The following SLC24A4 variants were observed in gnomAD, a reference collection of about 807,000 sequenced individuals.
SLC24A4 encodes solute carrier family 24 member 4, also known as sodium/potassium/calcium exchanger 4.
A neutral mutation model predicts 79.0 loss-of-function variants in SLC24A4; 53 were observed. The observed-to-expected ratio is 0.67, with a 90% CI of 0.54 to 0.84. The LOEUF is 0.84. Ranked by LOEUF, SLC24A4 falls within the 40% of genes least tolerant of loss-of-function variation. The pLI, the probability that SLC24A4 is intolerant of heterozygous loss-of-function variation, is 0.00. For missense variants in SLC24A4, 731 were observed against 822.0 expected (o/e 0.89, Z 1.35); for synonymous variants, 323 against 323.8 (o/e 1.00, Z 0.03).
intron 2 of SLC24A4, among the ~76,000 whole-genome samples, chr14:92,363,535 T>A (rs1209646765): frequency 6.6e-6 from 1 of 152,198 alleles, no homozygotes; most frequent in Non-Finnish European, 1.5e-5. Flanking sequence ...TTCTGAAAGG[T>A]CTTGCTTTCC....
chr14:92,480,677 A>G (rs1455735449), intron 12 of SLC24A4, among the ~76,000 whole-genome samples: 2 of 151,948 alleles, frequency 1.3e-5, no homozygotes, highest in Admixed American at 6.6e-5. Flanking sequence ...AGTGTGTTAC[A>G]TTTTTTTGAT....
chr14:92,401,290 TG>T (rs1020808099), intron 2 of SLC24A4, among the ~76,000 whole-genome samples: 1 of 152,216 alleles, frequency 6.6e-6, no homozygotes, highest in Admixed American at 6.5e-5. Flanking sequence ...CCGTGCAGGT[TG>T]TGCACTGCAC....
rs1892516110 is a variant in SLC24A4 at position 92,441,866 on chromosome 14, AGTTGGGGGTGG to A, written c.394-221_394-211del. On this transcript the variant is annotated intron_variant, in intron 4 of 16. Coordinates refer to ENST00000532405, the MANE Select transcript of SLC24A4 (RefSeq NM_153646.4). The surrounding 1 kb of genome is among the most constrained non-coding windows in gnomAD (Gnocchi z 4.6). ...CTTGGAGGACAAACAGAAAGGAGAT[AGTTGGGGGTGG>A]GGAAGGGGCTCTGAGTGGAATGCCT... Among the ~76,000 whole-genome samples, 1 of 152,138 alleles carries A rather than the reference AGTTGGGGGTGG, an allele frequency of 6.6e-6. No homozygotes were observed. Among genetic ancestry groups the A allele is most frequent in the Non-Finnish European group, 1.5e-5 (1 of 68,000 alleles).
chr14:92,327,344 C>G (rs540032413), intron 2 of SLC24A4, among the ~76,000 whole-genome samples: 1 of 152,152 alleles, frequency 6.6e-6, no homozygotes, highest in Non-Finnish European at 1.5e-5. Flanking sequence ...GCCCAGCAGG[C>G]GGGGTGCTCA....
In SLC24A4 at chr14:92,363,792, T is replaced by C. The variant is rs542108374; in HGVS notation, c.241+37814T>C. On this transcript the variant is annotated intron_variant, in intron 2 of 16. Coordinates refer to ENST00000532405, the MANE Select transcript of SLC24A4 (RefSeq NM_153646.4). ...TTGCAGTGAGCTGAGATCGCGCCAC[T>C]GTACTCCAGCCTGGTGACAGAGTGA... 3.3e-5 allele frequency among the ~76,000 whole-genome samples: 5 copies of C among 151,854 alleles called. No individual in the cohort carries two copies. In the East Asian group the frequency reaches 9.7e-4, roughly 29 times the overall value.
intron 2 of SLC24A4, among the ~76,000 whole-genome samples, chr14:92,358,032 A>C (rs1434375212): frequency 6.6e-6 from 1 of 152,222 alleles, no homozygotes; most frequent in Non-Finnish European, 1.5e-5. Flanking sequence ...ACTTCTGAGA[A>C]AGTGCTGCTG....
In SLC24A4 at chr14:92,494,818, G is replaced by A. The variant is rs1895867357; in HGVS notation, c.*1190G>A. The A allele has an allele frequency of 6.6e-6, 1 of 152,592 alleles. No individual in the cohort carries two copies. Among genetic ancestry groups the A allele is most frequent in the African/African-American group, 2.4e-5 (1 of 41,420 alleles). The allele number at this position is 152,592 out of a possible 1,614,324, so 9.5% of individuals were successfully genotyped here. A position where few individuals can be genotyped will look rare whatever the true frequency, so the allele number is the denominator to read the frequency against. On this transcript the variant is annotated 3_prime_UTR_variant, in exon 17 of 17. Transcript: ENST00000532405. This position sits in a 1 kb window ranked among gnomAD's most constrained non-coding sequence, Gnocchi z 4.6. The stretch of plus-strand genomic sequence containing the variant: ...TTCTGGAACCACGTAGTTTCTACAC[G>A]TGGCAGGCCAAGAATGGGAGGCTGA...
At chr14:92,382,627 A>T (rs1888919945) in intron 2 of SLC24A4, among the ~76,000 whole-genome samples, 2 of 152,196 alleles carry the variant, frequency 1.3e-5, no homozygotes, top group African/African-American at 4.8e-5. Flanking sequence ...AAGAAAGGTC[A>T]CTTGCCATTG....
intron 2 of SLC24A4, among the ~76,000 whole-genome samples, chr14:92,402,067 C>A (rs1890144555): frequency 6.6e-6 from 1 of 152,158 alleles, no homozygotes; most frequent in Non-Finnish European, 1.5e-5. Flanking sequence ...CACTTTCGAG[C>A]TTGCTGATTG....
At chr14:92,486,509 G>T (rs532049710) in intron 13 of SLC24A4, among the ~76,000 whole-genome samples, 157 bp from the exon 14 acceptor site, 68 of 151,932 alleles carry the variant, frequency 4.5e-4, no homozygotes, top group Admixed American at 1.1e-3. Context: ...TTCAGTGGGG[G>T]TTTTTTTTGT....
intron 14 of SLC24A4, among the ~76,000 whole-genome samples, chr14:92,487,871 G>T (rs765633921): frequency 1.3e-5 from 2 of 152,080 alleles, no homozygotes; most frequent in South Asian, 2.1e-4. Context: ...CAGTGGTCAC[G>T]CAATCCTTGG....
At chr14:92,403,815 T>C (rs1890235411) in intron 2 of SLC24A4, among the ~76,000 whole-genome samples, 3 of 152,104 alleles carry the variant, frequency 2.0e-5, no homozygotes, top group Admixed American at 6.5e-5. Context: ...TTAAACCCTC[T>C]CCTTGGGCAC....
At chr14:92,371,375 G>A (rs1042337068) in intron 2 of SLC24A4, among the ~76,000 whole-genome samples, 31 of 152,260 alleles carry the variant, frequency 2.0e-4, no homozygotes, top group African/African-American at 7.2e-4. Context: ...GACCAGACAC[G>A]TCCATTGTGG....
intron 12 of SLC24A4, among the ~76,000 whole-genome samples, chr14:92,460,536 G>T (rs531293189): frequency 6.6e-6 from 1 of 152,140 alleles, no homozygotes; most frequent in African/African-American, 2.4e-5. Context: ...GGGAATTATC[G>T]TGTACCAGGC....
intron 7 of SLC24A4, among the ~76,000 whole-genome samples, chr14:92,443,833 G>A (rs1047931497): frequency 1.3e-5 from 2 of 152,188 alleles, no homozygotes; most frequent in Admixed American, 6.5e-5. Flanking sequence ...AGAGCTTGGC[G>A]GGCAGGGCTG....
chr14:92,430,993 C>G (rs1055492643), intron 2 of SLC24A4, among the ~76,000 whole-genome samples: 22 of 152,220 alleles, frequency 1.4e-4, no homozygotes, highest in African/African-American at 4.8e-4. Context: ...CTCCTGATCC[C>G]AGGAAGCCCA....
At chr14:92,330,833 C>T (rs985365579) in intron 2 of SLC24A4, among the ~76,000 whole-genome samples, 1 of 152,210 alleles carries the variant, frequency 6.6e-6, no homozygotes, top group African/African-American at 2.4e-5. Context: ...TTAATTACCT[C>T]CCAAAAGCCC....
chr14:92,447,526 C>A, intron 9 of SLC24A4, 102 bp downstream of exon 9: 1 of 1,151,202 alleles, frequency 8.7e-7, no homozygotes, highest in Non-Finnish European at 1.3e-6. Context: ...AGATCTTTGT[C>A]CTTTTAGGCC....
At chr14:92,385,893 A>T (rs896722871) in intron 2 of SLC24A4, among the ~76,000 whole-genome samples, 1 of 151,990 alleles carries the variant, frequency 6.6e-6, no homozygotes, top group Admixed American at 6.6e-5. Flanking sequence ...ATGCGAGGGG[A>T]GAGGTAAGGT....
Sources: allele counts gnomAD v4.1 joint callset (sites outside exome capture counted in the v4.1 genomes callset), GRCh38; gene constraint gnomAD v4.1.1; non-coding constraint Gnocchi (gnomAD v3.1); transcripts MANE v1.5; gene names NCBI Gene and HGNC (gene_info 2026-07-23, HGNC 2026-07-21).